Variants in GRIK2 observed in about 807,000 individuals in gnomAD.
GRIK2 encodes the protein glutamate ionotropic receptor kainate type subunit 2, also known as glutamate receptor ionotropic, kainate 2.
Under a neutral mutation model 100.3 loss-of-function variants are expected in GRIK2, and 32 were observed. The observed-to-expected ratio is 0.32, with a 90% confidence interval of 0.24 to 0.43. The LOEUF (loss-of-function observed/expected upper bound fraction) is 0.43. GRIK2 is among the 20% of genes least tolerant of loss of function. The pLI is 1.00. For missense variants in GRIK2, 843 were observed against 1,114.9 expected, an observed-to-expected ratio of 0.76 and a Z score of 3.47; for synonymous variants, 417 against 389.4, an observed-to-expected ratio of 1.07 and a Z score of -0.83.
At position 102,010,676 on chromosome 6, in the gene GRIK2, C is replaced by G. The variant is rs369551885; in HGVS notation, c.2086-24665C>G. 1.8e-4 allele frequency among the ~76,000 whole-genome samples: 28 copies of G among 152,072 alleles called. No individual in the cohort carries two copies. The East Asian group carries it at 3.5e-3, about 19-fold the overall frequency. On this transcript the variant is annotated intron_variant, in intron 14 of 16. Coordinates refer to ENST00000369134, the MANE Select transcript of GRIK2 (RefSeq NM_021956.5). ...GGGATTACAGGCGTGAGACACTGCA[C>G]CGGGCCCCCTCCCTTCTTCTTAACC...
At chr6:101,768,628 C>A (rs547704928) in intron 7 of GRIK2, among the ~76,000 whole-genome samples, 1 of 152,282 alleles carries the variant, frequency 6.6e-6, no homozygotes, top group South Asian at 2.1e-4. Flanking sequence ...GGACACTGAA[C>A]TCTAAAATAG....
chr6:101,710,461 T>C (rs1773620555), intron 7 of GRIK2, among the ~76,000 whole-genome samples: 1 of 151,932 alleles, frequency 6.6e-6, no homozygotes, highest in African/African-American at 2.4e-5. Flanking sequence ...GCGTTAAATA[T>C]ATGTAAAATG....
rs772261793 is a variant in GRIK2 at position 101,668,833 on chromosome 6, TA to T, written c.542-7789del. 2.7e-4 allele frequency among the ~76,000 whole-genome samples: 41 copies of T among 152,292 alleles called. 1 individual carries two copies. The South Asian group carries it at 3.1e-3, about 12-fold the overall frequency. ...GTAGAAGTGGTGTGATTAATCTCTT[TA>T]GAAGAGAGTGCCAGCTGCAGTGTGC... On this transcript the variant is annotated intron_variant, in intron 4 of 16. Coordinates refer to ENST00000369134, the MANE Select transcript of GRIK2 (RefSeq NM_021956.5).
In GRIK2 at chr6:101,770,212, T is replaced by C. The variant is rs576701233; in HGVS notation, c.952-29436T>C. Among the ~76,000 whole-genome samples the C allele has an allele frequency of 1.1e-3, 166 of 152,262 alleles. 1 individual carries two copies. The highest frequency in any genetic ancestry group is 3.1e-3 in the African/African-American group (128 of 41,570). On this transcript the variant is annotated intron_variant, in intron 7 of 16. Coordinates refer to ENST00000369134, the MANE Select transcript of GRIK2 (RefSeq NM_021956.5). The stretch of plus-strand genomic sequence containing the variant: ...TCTTTTTTGTTTTTTCTAGTGATGA[T>C]TCTTATGCTTTTAAAAACATTTCTA...
At chr6:102,067,156 A>G (rs1312916741) in intron 16 of GRIK2, among the ~76,000 whole-genome samples, 3 of 151,746 alleles carry the variant, frequency 2.0e-5, no homozygotes, top group Non-Finnish European at 4.4e-5. Context: ...TTGTATGTAT[A>G]TATCATATAT....
intron 7 of GRIK2, among the ~76,000 whole-genome samples, chr6:101,788,920 G>A (rs922587111): frequency 4.6e-5 from 7 of 152,084 alleles, no homozygotes; most frequent in African/African-American, 1.7e-4. Context: ...GTGTGAGATG[G>A]TATCTCATTG....
intron 7 of GRIK2, among the ~76,000 whole-genome samples, chr6:101,792,189 A>G (rs1029980471): frequency 2.0e-5 from 3 of 151,154 alleles, no homozygotes; most frequent in African/African-American, 7.3e-5. Flanking sequence ...TTTTAATTGG[A>G]GCATTTAGCC....
intron 4 of GRIK2, among the ~76,000 whole-genome samples, chr6:101,672,241 C>G (rs1770495830): frequency 1.3e-5 from 2 of 152,084 alleles, no homozygotes; most frequent in South Asian, 2.1e-4. Context: ...ATTCAATAAT[C>G]ATTTTTTAAA....
At chr6:101,479,903 AC>A (rs1204270062) in intron 2 of GRIK2, among the ~76,000 whole-genome samples, 3 of 152,210 alleles carry the variant, frequency 2.0e-5, no homozygotes. Flanking sequence ...TGAAAAGACT[AC>A]AAATTTGATA....
chr6:101,825,233 G>C (rs1474537577), intron 10 of GRIK2, among the ~76,000 whole-genome samples: 1 of 152,150 alleles, frequency 6.6e-6, no homozygotes, highest in Non-Finnish European at 1.5e-5. Context: ...CAATCAGCTT[G>C]TTCAGACAAC....
intron 14 of GRIK2, among the ~76,000 whole-genome samples, chr6:102,004,990 G>T (rs1023576714): frequency 6.6e-6 from 1 of 151,630 alleles, no homozygotes; most frequent in Non-Finnish European, 1.5e-5. Context: ...GGTGGCAGGA[G>T]AACAGTAGCC....
chr6:101,638,653 CAAAGA>C (rs1321180964), intron 4 of GRIK2, among the ~76,000 whole-genome samples: 35 of 151,956 alleles, frequency 2.3e-4, no homozygotes, highest in African/African-American at 8.0e-4. Flanking sequence ...ATCTAAAAAC[CAAAGA>C]AGACTATTGT....
intron 3 of GRIK2, among the ~76,000 whole-genome samples, chr6:101,623,785 A>G (rs1256704884): frequency 2.0e-5 from 3 of 152,148 alleles, no homozygotes; most frequent in Admixed American, 1.3e-4. Flanking sequence ...GAAGCTAGGA[A>G]AAGCTGAAAT....
At chr6:102,028,044 C>T (rs1181273462) in intron 14 of GRIK2, among the ~76,000 whole-genome samples, 1 of 150,940 alleles carries the variant, frequency 6.6e-6, no homozygotes, top group Non-Finnish European at 1.5e-5. Context: ...AGAAATTTAC[C>T]CTAAAATTTG....
intron 2 of GRIK2, among the ~76,000 whole-genome samples, chr6:101,518,571 G>T (rs190172922): frequency 1.3e-5 from 2 of 152,020 alleles, no homozygotes; most frequent in African/African-American, 2.4e-5. Flanking sequence ...CAAAATTAAA[G>T]GTACCAAATA....
intron 2 of GRIK2, among the ~76,000 whole-genome samples, chr6:101,604,252 A>G (rs1779350916): frequency 6.6e-6 from 1 of 151,674 alleles, no homozygotes; most frequent in Non-Finnish European, 1.5e-5. Flanking sequence ...TCTGTTCCTA[A>G]AATTAAAGTA....
At chr6:101,655,828 T>C (rs1001083559) in intron 4 of GRIK2, among the ~76,000 whole-genome samples, 3 of 152,140 alleles carry the variant, frequency 2.0e-5, no homozygotes, top group Admixed American at 6.5e-5. Flanking sequence ...TTTTAGGAGT[T>C]CCCTACAGAA....
intron 2 of GRIK2, among the ~76,000 whole-genome samples, chr6:101,578,881 AAC>A (rs1408268825): frequency 1.3e-5 from 2 of 152,166 alleles, no homozygotes; most frequent in Non-Finnish European, 2.9e-5. Flanking sequence ...TGCAAAATAA[AAC>A]AGTTTTCAAA....
intron 10 of GRIK2, among the ~76,000 whole-genome samples, chr6:101,839,716 A>C (rs1325390143): frequency 6.6e-6 from 1 of 152,136 alleles, no homozygotes; most frequent in Non-Finnish European, 1.5e-5. Context: ...GGGATGAGGG[A>C]AAGAAATCAG....
Sources: gnomAD v4.1 joint callset for allele counts (sites outside exome capture counted in the v4.1 genomes callset) on GRCh38, gnomAD v4.1.1 for gene constraint, MANE v1.5 for transcripts, NCBI Gene and HGNC (gene_info 2026-07-23, HGNC 2026-07-21) for gene names.